The following COL14A1 variants were observed in gnomAD, a reference collection of about 807,000 sequenced individuals.
COL14A1 encodes the protein collagen alpha-1(XIV) chain.
Under a neutral mutation model 230.3 loss-of-function variants are expected in COL14A1, and 136 were observed. That is an observed-to-expected ratio of 0.59 (90% confidence interval 0.51 to 0.68). The LOEUF (loss-of-function observed/expected upper bound fraction) is 0.68. COL14A1 is among the 30% of genes least tolerant of loss of function. The pLI is 0.00. For missense variants in COL14A1, 1,976 were observed against 2,215.8 expected, an observed-to-expected ratio of 0.89 and a Z score of 2.17; for synonymous variants, 792 against 784.1, an observed-to-expected ratio of 1.01 and a Z score of -0.17.
intron 17 of COL14A1, 102 bp downstream of exon 17, chr8:120,227,454 T>G: frequency 7.0e-7 from 1 of 1,428,000 alleles, no homozygotes; most frequent in South Asian, 1.3e-5. Flanking sequence ...CTATGTAAGC[T>G]TCAATTTCTC....
intron 40 of COL14A1, 142 bp downstream of exon 40, chr8:120,316,139 C>A: frequency 1.4e-6 from 1 of 696,282 alleles, no homozygotes; most frequent in Non-Finnish European, 2.4e-6. Context: ...TTCCACCTAT[C>A]CTGCACTATT....
At chr8:120,331,717 G>C (rs1025792788) in intron 40 of COL14A1, among the ~76,000 whole-genome samples, 1 of 152,144 alleles carries the variant, frequency 6.6e-6, no homozygotes, top group African/African-American at 2.4e-5. Context: ...CAGACTTTCC[G>C]ATATTGTAGT....
intron 42 of COL14A1, among the ~76,000 whole-genome samples, chr8:120,338,182 A>G (rs1822150119): frequency 3.3e-5 from 5 of 152,242 alleles, no homozygotes; most frequent in African/African-American, 1.2e-4. Flanking sequence ...ATTATTCAAG[A>G]TAAAATAGAT....
At chr8:120,151,494 G>A (rs1211849128) in intron 2 of COL14A1, among the ~76,000 whole-genome samples, 1 of 151,946 alleles carries the variant, frequency 6.6e-6, no homozygotes, top group Non-Finnish European at 1.5e-5. Context: ...CAAAAAATTA[G>A]CTGGGCATGA....
At chr8:120,257,522 T>C (rs2129729265) in intron 23 of COL14A1, among the ~76,000 whole-genome samples, 1 of 152,328 alleles carries the variant, frequency 6.6e-6, no homozygotes, top group Admixed American at 6.5e-5. Flanking sequence ...AGGAATAGTC[T>C]TCCTACTTTG....
At chr8:120,134,523 A>G (rs1459473484) in intron 1 of COL14A1, among the ~76,000 whole-genome samples, 2 of 152,170 alleles carry the variant, frequency 1.3e-5, no homozygotes, top group Non-Finnish European at 2.9e-5. Context: ...AAAAGAAAAT[A>G]TAGGAAAATG....
chr8:120,368,982 G>A (rs1823498466), intron 46 of COL14A1, among the ~76,000 whole-genome samples: 1 of 152,074 alleles, frequency 6.6e-6, no homozygotes, highest in Admixed American at 6.5e-5. Flanking sequence ...CCCATAGATT[G>A]GATTCATAAG....
At position 120,203,877 on chromosome 8, in the gene COL14A1, T is replaced by C; in HGVS notation, c.1039+7T>C. The C allele has an allele frequency of 6.2e-7, 1 of 1,612,734 alleles. No individual in the cohort carries two copies. The highest frequency in any genetic ancestry group is 1.1e-5 in the South Asian group (1 of 90,938). ...CAGGACAGAGAAATTAAAGGTAAAATGAGTGACAGAGCAGTCCTGTGGATG... is the reference window on the plus strand; with the variant it reads ...CAGGACAGAGAAATTAAAGGTAAAACGAGTGACAGAGCAGTCCTGTGGATG... On this transcript the variant is annotated splice_region_variant and intron_variant, in intron 9 of 47. Transcript: ENST00000297848.
chr8:120,262,036 T>TGTATCTTTAG (rs1819343263), intron 23 of COL14A1, among the ~76,000 whole-genome samples: 1 of 152,152 alleles, frequency 6.6e-6, no homozygotes, highest in Admixed American at 6.5e-5. Flanking sequence ...CTGAGACCCA[T>TGTATCTTTAG]ACCTGTATCT....
At chr8:120,330,045 C>T (rs1295179349) in intron 40 of COL14A1, among the ~76,000 whole-genome samples, 1 of 152,142 alleles carries the variant, frequency 6.6e-6, no homozygotes, top group Non-Finnish European at 1.5e-5. Context: ...TGTAAAATCA[C>T]CCACTGGAAA....
intron 23 of COL14A1, 73 bp from the exon 24 acceptor site, chr8:120,262,795 A>T: frequency 6.8e-7 from 1 of 1,473,352 alleles, no homozygotes; most frequent in Non-Finnish European, 9.2e-7. Context: ...TTTAGAAGCA[A>T]ATCATCTGCC....
chr8:120,283,587 C>T (rs953968081), intron 31 of COL14A1, 49 bp from the exon 32 acceptor site: 1 of 1,542,254 alleles, frequency 6.5e-7, no homozygotes, highest in African/African-American at 1.4e-5. Flanking sequence ...AAAGGAGTAA[C>T]TTTTTTGAGG....
At chr8:120,203,586 A>G in intron 8 of COL14A1, 123 bp from the exon 9 acceptor site, 1 of 641,886 alleles carries the variant, frequency 1.6e-6, no homozygotes, top group South Asian at 3.9e-5. Context: ...ATATATATAC[A>G]AGTAGCAGAT....
intron 5 of COL14A1, among the ~76,000 whole-genome samples, chr8:120,191,857 A>G (rs1252502174): frequency 6.6e-6 from 1 of 152,154 alleles, no homozygotes; most frequent in Non-Finnish European, 1.5e-5. Flanking sequence ...ATCAGAGGCT[A>G]GGATTGCAAC....
chr8:120,308,354 A>T (rs1354350227), intron 36 of COL14A1, among the ~76,000 whole-genome samples: 1 of 152,264 alleles, frequency 6.6e-6, no homozygotes, highest in East Asian at 1.9e-4. Flanking sequence ...AAGAATGGCT[A>T]AACAAACTCT....
intron 5 of COL14A1, among the ~76,000 whole-genome samples, chr8:120,176,056 T>TTA (rs1816271847): frequency 6.6e-6 from 1 of 152,222 alleles, no homozygotes; most frequent in Admixed American, 6.5e-5. Flanking sequence ...GCCACATATT[T>TTA]TATATATAGC....
chr8:120,345,660 A>T, intron 45 of COL14A1, 97 bp downstream of exon 45: 1 of 1,020,726 alleles, frequency 9.8e-7, no homozygotes. Flanking sequence ...AGTCTGAAAC[A>T]ATGGACTTAA....
chr8:120,319,858 A>G (rs1413615145), intron 40 of COL14A1, among the ~76,000 whole-genome samples: 2 of 152,224 alleles, frequency 1.3e-5, no homozygotes, highest in Non-Finnish European at 2.9e-5. Flanking sequence ...GTGCAAGTTC[A>G]TATTTCACAG....
At chr8:120,315,609 C>A in intron 39 of COL14A1, 23 bp downstream of exon 39, 2 of 1,597,362 alleles carry the variant, frequency 1.3e-6, no homozygotes, top group South Asian at 2.2e-5. Flanking sequence ...TTTTTTAAGT[C>A]TATTGCTCTC....
Sources: allele counts gnomAD v4.1 joint callset (sites outside exome capture counted in the v4.1 genomes callset), GRCh38; gene constraint gnomAD v4.1.1; transcripts MANE v1.5; gene names NCBI Gene and HGNC (gene_info 2026-07-23, HGNC 2026-07-21).